The following SKIC8 variants were observed in gnomAD, a reference collection of about 807,000 sequenced individuals.
SKIC8 encodes the protein superkiller complex protein 8.
chr15:78,289,109 G>A, the SKIC8 span, among the ~76,000 whole-genome samples: 7 of 152,296 alleles, frequency 4.6e-5, no homozygotes, highest in East Asian at 1.9e-4. Context: ...GAACTAGTAT[G>A]TCTAGGTTAA....
At chr15:78,283,357 A>C in the SKIC8 span, 2 of 1,185,918 alleles carry the variant, frequency 1.7e-6, no homozygotes. Context: ...TCTTTTAAAC[A>C]AGCCTAAGAA....
the SKIC8 span, chr15:78,292,369 G>A: frequency 2.4e-6 from 1 of 420,914 alleles, no homozygotes; most frequent in Non-Finnish European, 4.3e-6. Flanking sequence ...ATTGACATAA[G>A]GCTATTTATA....
At chr15:78,289,473 A>C in the SKIC8 span, 81 of 652,182 alleles carry the variant, frequency 1.2e-4, 1 homozygote, top group African/African-American at 1.3e-3. Flanking sequence ...CAAGACTAAA[A>C]CCTGGAGGCA....
the SKIC8 span, chr15:78,294,454 C>CCTGCCA: frequency 6.2e-6 from 1 of 162,420 alleles, no homozygotes; most frequent in East Asian, 1.8e-4. Context: ...CTCTCCCATC[C>CCTGCCA]CTGCCACTGC....
the SKIC8 span, chr15:78,294,874 G>A: frequency 1.3e-6 from 2 of 1,590,718 alleles, no homozygotes; most frequent in African/African-American, 1.3e-5. Flanking sequence ...TGGTCAGCAT[G>A]ACAAAAGTCT....
chr15:78,290,087 G>A, the SKIC8 span: 1 of 1,613,780 alleles, frequency 6.2e-7, no homozygotes. Flanking sequence ...AAAGGCCAAA[G>A]TCCAGGCATC....
the SKIC8 span, chr15:78,284,876 A>G: frequency 2.7e-5 from 5 of 188,520 alleles, no homozygotes; most frequent in African/African-American, 4.7e-5. Context: ...ACAAGCGATG[A>G]TTGTGTTTAA....
chr15:78,294,195 T>C, the SKIC8 span, among the ~76,000 whole-genome samples: 1 of 152,222 alleles, frequency 6.6e-6, no homozygotes, highest in African/African-American at 2.4e-5. Flanking sequence ...AGCCTACTAG[T>C]TACTTACACT....
chr15:78,286,350 A>G, the SKIC8 span: 2 of 457,996 alleles, frequency 4.4e-6, no homozygotes. Flanking sequence ...ATGTGTTGAC[A>G]CCACCAAAAG....
the SKIC8 span, chr15:78,288,170 A>G: frequency 1.0e-6 from 1 of 999,758 alleles, no homozygotes; most frequent in Non-Finnish European, 1.5e-6. Flanking sequence ...TGGGGAGTCA[A>G]GGTGTCTGAT....
chr15:78,294,794 G>T, the SKIC8 span: 3 of 660,006 alleles, frequency 4.5e-6, no homozygotes, highest in Non-Finnish European at 7.5e-6. Flanking sequence ...GTTGTTGTCT[G>T]TTTTTTAAGA....
chr15:78,294,610 G>A, the SKIC8 span: 12 of 288,292 alleles, frequency 4.2e-5, no homozygotes, highest in African/African-American at 2.4e-4. Context: ...CAGATGAGCC[G>A]GCATTAACAG....
the SKIC8 span, among the ~76,000 whole-genome samples, chr15:78,294,075 CACAG>C: frequency 6.6e-6 from 1 of 152,162 alleles, no homozygotes; most frequent in Middle Eastern, 3.2e-3. Context: ...AGCTGTGCAC[CACAG>C]ACAGCGTTGT....
chr15:78,286,177 A>G, the SKIC8 span: 5 of 1,536,672 alleles, frequency 3.3e-6, no homozygotes, highest in Non-Finnish European at 4.5e-6. Flanking sequence ...GTTAATTTCT[A>G]CAGTATAATC....
chr15:78,293,201 C>T, the SKIC8 span: 13 of 1,614,158 alleles, frequency 8.1e-6, no homozygotes, highest in African/African-American at 1.3e-5. Flanking sequence ...TCTAGGGAGC[C>T]TGTGACCACT....
the SKIC8 span, chr15:78,288,197 T>A: frequency 3.7e-6 from 5 of 1,345,132 alleles, no homozygotes; most frequent in Admixed American, 2.0e-5. Flanking sequence ...TGAGCACAGG[T>A]CTTTACTAGG....
chr15:78,286,166 T>A, the SKIC8 span: 2 of 1,585,250 alleles, frequency 1.3e-6, no homozygotes, highest in Non-Finnish European at 1.7e-6. Flanking sequence ...AAAATTGAGA[T>A]GTTAATTTCT....
the SKIC8 span, chr15:78,285,597 G>A: frequency 1.8e-6 from 1 of 547,042 alleles, no homozygotes; most frequent in Non-Finnish European, 3.3e-6. Flanking sequence ...CAGATGGGAG[G>A]GAGGCCTGTT....
chr15:78,296,225 G>A, the SKIC8 span, among the ~76,000 whole-genome samples: 1 of 151,734 alleles, frequency 6.6e-6, no homozygotes, highest in Non-Finnish European at 1.5e-5. Flanking sequence ...GGCTGACATG[G>A]TGAAACCACG....
Sources: gnomAD v4.1 joint callset for allele counts (sites outside exome capture counted in the v4.1 genomes callset) on GRCh38, gnomAD v4.1.1 for gene constraint, MANE v1.5 for transcripts, NCBI Gene and HGNC (gene_info 2026-07-23, HGNC 2026-07-21) for gene names.